Variants in ABLIM2 observed in about 807,000 individuals in gnomAD.
The protein encoded by ABLIM2 is actin binding LIM protein family member 2.
ABLIM2 carries 53 observed loss-of-function variants against 97.7 expected under a neutral mutation model. The ratio of observed to expected loss-of-function variants is 0.54; its 90% CI spans 0.44 to 0.68. The LOEUF is 0.68. Among genes scored for constraint, ABLIM2 ranks in the 30% least tolerant of loss-of-function variants. ABLIM2 has a pLI of 0.00. For synonymous variants in ABLIM2, 361 were observed against 345.8 expected (o/e 1.04, Z -0.49); for missense variants, 835 against 867.2 (o/e 0.96, Z 0.47).
intron 7 of ABLIM2, 40 bp downstream of exon 7, chr4:8,060,927 C>A: frequency 6.6e-7 from 1 of 1,516,882 alleles, no homozygotes; most frequent in South Asian, 1.2e-5. Flanking sequence ...GAGGGTAGTT[C>A]CTTGCTCTAG....
chr4:7,982,916 T>G (rs1419379658), intron 20 of ABLIM2, among the ~76,000 whole-genome samples: 1 of 152,186 alleles, frequency 6.6e-6, no homozygotes, highest in South Asian at 2.1e-4. Context: ...TTGGCCAGGC[T>G]GGTCTCGAAC....
chr4:8,074,812 G>T (rs368972444), intron 6 of ABLIM2, among the ~76,000 whole-genome samples: 9 of 129,396 alleles, frequency 7.0e-5, no homozygotes, highest in Admixed American at 5.8e-4. Context: ...ACAGAGTCTC[G>T]CTCTGTAGCC....
At chr4:7,975,372 C>T (rs1226241802) in intron 20 of ABLIM2, among the ~76,000 whole-genome samples, 1 of 152,218 alleles carries the variant, frequency 6.6e-6, no homozygotes, top group Non-Finnish European at 1.5e-5. Flanking sequence ...ATTCATCTGA[C>T]CCTCTTCCAT....
At chr4:8,101,871 A>G (rs1834824939) in intron 2 of ABLIM2, among the ~76,000 whole-genome samples, 1 of 152,206 alleles carries the variant, frequency 6.6e-6, no homozygotes, top group South Asian at 2.1e-4. Context: ...TGACGTATTT[A>G]TGTTCTGCAT....
rs1772180522 is a variant in ABLIM2 at position 8,019,737 on chromosome 4, G to T, written c.1370-66C>A. On this transcript the variant is annotated intron_variant, in intron 13 of 20. Coordinates refer to ENST00000447017, the MANE Select transcript of ABLIM2 (RefSeq NM_001130083.2). This position sits in a 1 kb window ranked among gnomAD's most constrained non-coding sequence, Gnocchi z 4.3. ...TAAGCAGCAAGTTGTGATGGTTTCT[G>T]TTCTACAGCTTTTTGTAAGCAACAA... 6.8e-7 allele frequency: 1 copy of T among 1,462,048 alleles called. No homozygotes were observed. 90.6% of individuals were successfully genotyped at this position (1,462,048 alleles called of 1,614,324 possible).
chr4:8,007,214 G>A (rs1295129249), intron 16 of ABLIM2: 15 of 985,194 alleles, frequency 1.5e-5, no homozygotes, highest in South Asian at 1.4e-4. Context: ...ATGGCCGGCC[G>A]AATGCCACAC....
At chr4:7,967,409 C>A (rs970751595) in intron 20 of ABLIM2, among the ~76,000 whole-genome samples, 1 of 152,208 alleles carries the variant, frequency 6.6e-6, no homozygotes, top group African/African-American at 2.4e-5. Flanking sequence ...TGTCCCAGAG[C>A]AGGACCCCCA....
At chr4:8,126,119 C>T (rs1847781050) in intron 1 of ABLIM2, among the ~76,000 whole-genome samples, 1 of 152,196 alleles carries the variant, frequency 6.6e-6, no homozygotes, top group Non-Finnish European at 1.5e-5. Context: ...AGGGCTGCTC[C>T]CTTCAGTAAC....
intron 6 of ABLIM2, among the ~76,000 whole-genome samples, chr4:8,063,571 A>G (rs1006281043): frequency 5.3e-5 from 8 of 152,232 alleles, no homozygotes; most frequent in African/African-American, 1.9e-4. Flanking sequence ...AGCAGGTGGT[A>G]GAGCTGCGGT....
Position 7,966,996 on chromosome 4 carries a change from C to A in ABLIM2, c.1932G>T (p.Leu644Phe), listed in dbSNP as rs981444595. The A allele has an allele frequency of 1.9e-6, 3 of 1,612,920 alleles. No homozygotes were observed. The highest frequency in any genetic ancestry group is 1.7e-6 in the Non-Finnish European group (2 of 1,179,668). ...KRNDLKKKAL[L>F]F ...TGGGGCAGGCTGGCAGCCGTCAGAACAAAAGGGCTTTCTTCTTAAGGTCAT... is the reference window on the plus strand; with the variant it reads ...TGGGGCAGGCTGGCAGCCGTCAGAAAAAAAGGGCTTTCTTCTTAAGGTCAT... The change falls in exon 21 of 21, where the codon TTG (leucine) becomes TTT (phenylalanine). Residue 644 changes from leucine (L) to phenylalanine (F), a missense_variant. By Grantham distance (22) the Leu-to-Phe change is conservative. Transcript: ENST00000447017.
At chr4:8,078,938 C>G (rs911504318) in intron 5 of ABLIM2, among the ~76,000 whole-genome samples, 7 of 152,226 alleles carry the variant, frequency 4.6e-5, no homozygotes, top group Non-Finnish European at 1.0e-4. Flanking sequence ...TGTAGTGTTC[C>G]AAATTTGGTT....
chr4:8,080,836 A>G, intron 4 of ABLIM2, 34 bp from the exon 5 acceptor site: 1 of 1,576,436 alleles, frequency 6.3e-7, no homozygotes, highest in South Asian at 1.1e-5. Flanking sequence ...AGACACCCCC[A>G]CCATTGTGAG....
At chr4:8,029,877 C>G (rs774833550) in intron 10 of ABLIM2, 101 bp from the exon 11 acceptor site, 9 of 1,441,848 alleles carry the variant, frequency 6.2e-6, no homozygotes, top group Non-Finnish European at 8.4e-6. Context: ...CCTCCTGACC[C>G]AAGTGGATGA....
chr4:8,029,974 C>G (rs775517296), intron 10 of ABLIM2, among the ~76,000 whole-genome samples, 198 bp from the exon 11 acceptor site: 2 of 152,178 alleles, frequency 1.3e-5, no homozygotes, highest in Non-Finnish European at 2.9e-5. Flanking sequence ...CAGACACACT[C>G]CCCGCTGTGC....
intron 6 of ABLIM2, among the ~76,000 whole-genome samples, chr4:8,070,218 G>A (rs1433673943): frequency 6.6e-6 from 1 of 150,390 alleles, no homozygotes; most frequent in Non-Finnish European, 1.5e-5. Context: ...GTGTGACCGC[G>A]TGTGTCTGTG....
At chr4:8,146,995 T>G (rs947402728) in intron 1 of ABLIM2, among the ~76,000 whole-genome samples, 8 of 152,236 alleles carry the variant, frequency 5.3e-5, no homozygotes, top group Non-Finnish European at 1.2e-4. Flanking sequence ...GCCAGTGTTC[T>G]GCGGTTGGAC....
At chr4:7,988,673 G>A (rs369220430) in intron 17 of ABLIM2, among the ~76,000 whole-genome samples, 1 of 152,154 alleles carries the variant, frequency 6.6e-6, no homozygotes, top group East Asian at 1.9e-4. Flanking sequence ...TACTCATGTG[G>A]GAACCATGCT....
Position 7,984,897 on chromosome 4 carries a change from G to A in ABLIM2, c.1681-4C>T, listed in dbSNP as rs368268278. 9 of 1,608,598 alleles carry A rather than the reference G, an allele frequency of 5.6e-6. No homozygotes were observed. Among genetic ancestry groups the A allele is most frequent in the African/African-American group, 2.7e-5 (2 of 74,894 alleles). ...CACAGGGGGCCAGATTGGCATTCTG[G>A]AAGAGAAAGAGAGGTTGGGCGGCAA... On this transcript the variant is annotated splice_region_variant and splice_polypyrimidine_tract_variant and intron_variant, in intron 17 of 20. Transcript: ENST00000447017.
At chr4:8,110,459 G>C (rs1421676804) in intron 1 of ABLIM2, among the ~76,000 whole-genome samples, 1 of 152,100 alleles carries the variant, frequency 6.6e-6, no homozygotes, top group Non-Finnish European at 1.5e-5. Context: ...GTGTCTGTCT[G>C]TCTCTCCACC....
Sources: allele counts gnomAD v4.1 joint callset (sites outside exome capture counted in the v4.1 genomes callset), GRCh38; gene constraint gnomAD v4.1.1; non-coding constraint Gnocchi (gnomAD v3.1); transcripts MANE v1.5; gene names NCBI Gene and HGNC (gene_info 2026-07-23, HGNC 2026-07-21).